Variants in DRD3 observed in about 807,000 individuals in gnomAD.
The protein encoded by DRD3 is D(3) dopamine receptor.
In DRD3, 19 loss-of-function variants were observed where a neutral mutation model predicts 36.3. The observed-to-expected ratio is 0.52, with a 90% CI of 0.36 to 0.77. The LOEUF is 0.77. Among genes scored for constraint, DRD3 ranks in the 30% least tolerant of loss-of-function variants. The pLI is 0.00. For missense variants in DRD3, 465 were observed against 505.3 expected, an observed-to-expected ratio of 0.92 and a Z score of 0.77; for synonymous variants, 195 against 203.7, an observed-to-expected ratio of 0.96 and a Z score of 0.36.
At chr3:114,175,981 T>C (rs1361799318) in intron 1 of DRD3, 1 of 152,208 alleles carries the variant, frequency 6.6e-6, no homozygotes, top group Non-Finnish European at 1.5e-5. Flanking sequence ...TTGGTCTTTA[T>C]AGTTTGTTCT....
At chr3:114,129,012 T>G in intron 6 of DRD3, 100 bp from the exon 7 acceptor site, 3 of 1,315,216 alleles carry the variant, frequency 2.3e-6, no homozygotes, top group East Asian at 2.5e-5. Context: ...TGCCAGCCAC[T>G]AAGCTGGAAG....
At chr3:114,148,224 C>T (rs2077586000) in intron 3 of DRD3, among the ~76,000 whole-genome samples, 1 of 152,178 alleles carries the variant, frequency 6.6e-6, no homozygotes, top group Admixed American at 6.5e-5. Context: ...ACACCCTTCA[C>T]TCTGAACACT....
At chr3:114,134,560 C>T (rs2077459246) in intron 5 of DRD3, among the ~76,000 whole-genome samples, 1 of 151,816 alleles carries the variant, frequency 6.6e-6, no homozygotes, top group Non-Finnish European at 1.5e-5. Context: ...GCTGGGATTA[C>T]AGGCGCCCAC....
chr3:114,159,344 C>T (rs1311171679), intron 3 of DRD3, among the ~76,000 whole-genome samples: 2 of 151,800 alleles, frequency 1.3e-5, no homozygotes, highest in Middle Eastern at 3.2e-3. Context: ...TTCTCTCTCC[C>T]ACCTTCTCTC....
chr3:114,173,489 C>T (rs113325091), intron 1 of DRD3, among the ~76,000 whole-genome samples: 2 of 152,104 alleles, frequency 1.3e-5, no homozygotes, highest in Non-Finnish European at 2.9e-5. Flanking sequence ...CATTCTAAAT[C>T]TCTCACTCTG....
chr3:114,198,676 T>TAGGTATCTATA, intron 1 of DRD3, among the ~76,000 whole-genome samples: 1 of 152,266 alleles, frequency 6.6e-6, no homozygotes, highest in East Asian at 1.9e-4. Context: ...TATAGATACA[T>TAGGTATCTATA]AGGTATCTAT....
At chr3:114,140,563 A>T (rs985449) in intron 4 of DRD3, among the ~76,000 whole-genome samples, 146,639 of 152,290 alleles carry the variant, frequency 0.96, 70,856 homozygotes, top group East Asian at 1. Flanking sequence ...CTAATAATTA[A>T]GGCAACGTTA....
At position 114,128,361 on chromosome 3, in the gene DRD3, AC is replaced by A. The variant is rs976781489; in HGVS notation, c.*354del. ...GGTGGTTTACTGGCTGATTTCAAGG[AC>A]CCCTGCAAGTTGAGAATGATGAGAT... On this transcript the variant is annotated 3_prime_UTR_variant, in exon 7 of 7. Coordinates refer to ENST00000383673, the MANE Select transcript of DRD3 (RefSeq NM_000796.6). Among the ~76,000 whole-genome samples the A allele has an allele frequency of 4.6e-5, 7 of 152,088 alleles. No individual in the cohort carries two copies. Among genetic ancestry groups the A allele is most frequent in the Admixed American group, 2.6e-4 (4 of 15,276 alleles).
chr3:114,136,871 C>T (rs1462029073), intron 5 of DRD3, among the ~76,000 whole-genome samples: 2 of 152,188 alleles, frequency 1.3e-5, no homozygotes, highest in African/African-American at 2.4e-5. Context: ...GTTTTTCCCA[C>T]ATTCAGTGGT....
intron 1 of DRD3, among the ~76,000 whole-genome samples, chr3:114,193,702 G>A (rs945747065): frequency 6.6e-6 from 1 of 152,152 alleles, no homozygotes; most frequent in African/African-American, 2.4e-5. Flanking sequence ...CCTTCTTAGG[G>A]ATTTTGTGCA....
intron 5 of DRD3, among the ~76,000 whole-genome samples, chr3:114,134,780 AT>A (rs1416398927): frequency 6.6e-6 from 1 of 151,848 alleles, no homozygotes; most frequent in Non-Finnish European, 1.5e-5. Flanking sequence ...AATAATATAC[AT>A]TTTTTTCTTG....
chr3:114,147,473 G>C lies in DRD3; in HGVS notation c.468C>G (p.Ala156=). 1 of 1,613,940 alleles carries C rather than the reference G, an allele frequency of 6.2e-7. No homozygotes were observed. The highest frequency in any genetic ancestry group is 8.5e-7 in the Non-Finnish European group (1 of 1,180,006). The stretch of plus-strand genomic sequence containing the variant: ...ACACAGCAAAGGCCAGTACCCAGAC[G>C]GCCGTGATCATGAGGGCCACGCGCC... ...SCRRVALMIT[A]VWVLAFAVSC... is the part of the protein sequence containing the mutation. Residue 156 remains alanine, a synonymous_variant, in exon 4 of 7, where the codon GCC becomes GCG. Coordinates refer to ENST00000383673, the MANE Select transcript of DRD3 (RefSeq NM_000796.6).
chr3:114,168,760 T>A (rs781500127), intron 2 of DRD3, among the ~76,000 whole-genome samples: 3 of 152,240 alleles, frequency 2.0e-5, no homozygotes, highest in Non-Finnish European at 4.4e-5. Context: ...TCCAGAATTC[T>A]GGTTATTTGA....
Position 114,157,560 on chromosome 3 carries a change from C to A in DRD3, c.383+2195G>T, listed in dbSNP as rs541340669. 2.4e-4 allele frequency among the ~76,000 whole-genome samples: 36 copies of A among 152,206 alleles called. No individual in the cohort carries two copies. The South Asian group carries it at 2.7e-3, about 11-fold the overall frequency. On this transcript the variant is annotated intron_variant, in intron 3 of 6. Coordinates refer to ENST00000383673, the MANE Select transcript of DRD3 (RefSeq NM_000796.6). ...TTTTCTAGAGGTCATAGCACAGGCC[C>A]CCTCAATTGGCCCAGTGTTGTGCCC...
intron 3 of DRD3, among the ~76,000 whole-genome samples, chr3:114,149,721 G>C (rs1217699602): frequency 1.3e-5 from 2 of 152,248 alleles, no homozygotes; most frequent in East Asian, 3.8e-4. Flanking sequence ...CCTTGAAGGA[G>C]CAAACTGCTA....
At chr3:114,134,313 G>T (rs1283284394) in intron 5 of DRD3, among the ~76,000 whole-genome samples, 1 of 152,114 alleles carries the variant, frequency 6.6e-6, no homozygotes, top group Non-Finnish European at 1.5e-5. Context: ...GGCCAGGCTG[G>T]TCTCAAATTC....
chr3:114,178,123 A>G (rs1051086204), intron 1 of DRD3, among the ~76,000 whole-genome samples: 1 of 152,170 alleles, frequency 6.6e-6, no homozygotes, highest in African/African-American at 2.4e-5. Flanking sequence ...AAAATCATAT[A>G]CCATCATCAA....
rs1433336731 is a variant in DRD3, at chr3:114,171,705, C to A, written c.270+18G>T. On this transcript the variant is annotated intron_variant, in intron 2 of 6. Transcript: ENST00000383673. Reference sequence around the variant, plus strand: ...CTAGCACAGTCATAGAGACAACATGCACCTGAAGTCTACTCACCTCCAGGT... The same window carrying A: ...CTAGCACAGTCATAGAGACAACATGAACCTGAAGTCTACTCACCTCCAGGT... 2 of 1,570,616 alleles carry A rather than the reference C, an allele frequency of 1.3e-6. No homozygotes were observed. Among genetic ancestry groups the A allele is most frequent in the Non-Finnish European group, 8.6e-7 (1 of 1,157,648 alleles).
chr3:114,166,972 T>C (rs2077791376), intron 2 of DRD3, among the ~76,000 whole-genome samples: 1 of 152,222 alleles, frequency 6.6e-6, no homozygotes, highest in Non-Finnish European at 1.5e-5. Flanking sequence ...TAAATTATCA[T>C]TTGGGGTTTT....
Sources: gnomAD v4.1 joint callset for allele counts (sites outside exome capture counted in the v4.1 genomes callset) on GRCh38, gnomAD v4.1.1 for gene constraint, MANE v1.5 for transcripts, NCBI Gene and HGNC (gene_info 2026-07-23, HGNC 2026-07-21) for gene names.